Variants in MAOA observed in about 807,000 individuals in gnomAD.
MAOA encodes amine oxidase [flavin-containing] A.
A neutral mutation model predicts 42.0 loss-of-function variants in MAOA; 6 were observed. The ratio of observed to expected loss-of-function variants is 0.14; its 90% CI spans 0.08 to 0.28. The LOEUF (loss-of-function observed/expected upper bound fraction) is 0.28, where lower values mean the gene tolerates loss of function less well. MAOA is among the 10% of genes least tolerant of loss of function. The pLI is 1.00. For synonymous variants in MAOA, 140 were observed against 154.0 expected (o/e 0.91, Z 0.67); for missense variants, 262 against 422.3 (o/e 0.62, Z 3.33).
intron 1 of MAOA, among the ~76,000 whole-genome samples, chrX:43,666,543 C>G (rs1410351966): frequency 9.0e-6 from 1 of 111,541 alleles, no homozygotes; most frequent in Non-Finnish European, 1.9e-5. Context: ...TCCAAGCCAC[C>G]ATGATCTCTT....
intron 3 of MAOA, among the ~76,000 whole-genome samples, chrX:43,696,746 A>G (rs1406633210): frequency 7.2e-5 from 8 of 111,831 alleles, no homozygotes; most frequent in Non-Finnish European, 1.5e-4. Context: ...AAAAAAAAAA[A>G]AAAAAGAAAA....
At chrX:43,693,141 G>C in intron 2 of MAOA, 150 bp from the exon 3 acceptor site, 1 of 518,175 alleles carries the variant, frequency 1.9e-6, no homozygotes, top group Non-Finnish European at 3.3e-6. Context: ...TTGAGTGGAT[G>C]AGGAAAGATT....
chrX:43,721,438 T>C (rs1205929144), intron 5 of MAOA, among the ~76,000 whole-genome samples: 1 of 111,209 alleles, frequency 9.0e-6, no homozygotes, highest in Non-Finnish European at 1.9e-5. Flanking sequence ...TGAAGATCGT[T>C]GAAAGGTTTT....
At chrX:43,675,830 G>A (rs2033390020) in intron 1 of MAOA, among the ~76,000 whole-genome samples, 1 of 111,873 alleles carries the variant, frequency 8.9e-6, no homozygotes, top group Non-Finnish European at 1.9e-5. Flanking sequence ...ACCCGGCCTT[G>A]TGAGGTGTCA....
At chrX:43,661,694 G>A (rs189096549) in intron 1 of MAOA, among the ~76,000 whole-genome samples, 2 of 111,625 alleles carry the variant, frequency 1.8e-5, no homozygotes, top group East Asian at 2.8e-4. Context: ...AATGGTTAGC[G>A]AGCGCACAGT....
In MAOA at chrX:43,735,355, G is replaced by A. The variant is rs181362120; in HGVS notation, c.1053-872G>A. On this transcript the variant is annotated intron_variant, in intron 9 of 14. Transcript: ENST00000338702. ...GCTTTCTAATAATAGTATAACTAAG[G>A]ACTTCATGTCACAATTCAATTCTTT... Among the ~76,000 whole-genome samples the A allele has an allele frequency of 6.2e-5, 7 of 112,098 alleles. No individual in the cohort carries two copies. In the East Asian group the frequency reaches 2.0e-3, roughly 31 times the overall value.
At chrX:43,733,177 G>A (rs960855369) in intron 9 of MAOA, among the ~76,000 whole-genome samples, 1 of 112,296 alleles carries the variant, frequency 8.9e-6, no homozygotes, top group African/African-American at 3.2e-5. Flanking sequence ...CATTCTAAAT[G>A]TGGGGTTTCT....
chrX:43,681,631 T>C (rs965680353), intron 1 of MAOA, among the ~76,000 whole-genome samples: 8 of 111,107 alleles, frequency 7.2e-5, no homozygotes, highest in African/African-American at 2.6e-4. Context: ...CAACCACTTG[T>C]ATACATATTT....
intron 1 of MAOA, among the ~76,000 whole-genome samples, chrX:43,666,479 A>G (rs907941526): frequency 3.6e-5 from 4 of 110,813 alleles, no homozygotes; most frequent in African/African-American, 1.3e-4. Flanking sequence ...GGCTTCCCAC[A>G]ACAACTGCAA....
At chrX:43,685,129 T>C (rs2033477453) in intron 2 of MAOA, among the ~76,000 whole-genome samples, 1 of 110,810 alleles carries the variant, frequency 9.0e-6, no homozygotes, top group East Asian at 2.8e-4. Context: ...CCACTGGCCT[T>C]GAAGCCTCCC....
At chrX:43,690,764 T>G (rs2033526564) in intron 2 of MAOA, among the ~76,000 whole-genome samples, 1 of 111,657 alleles carries the variant, frequency 9.0e-6, no homozygotes, top group Non-Finnish European at 1.9e-5. Context: ...TCCTTTTCTT[T>G]GTGACAATAC....
rs1308409127 is a variant in MAOA, at chrX:43,745,598, G to A, written c.*1085G>A. On this transcript the variant is annotated 3_prime_UTR_variant, in exon 15 of 15. Transcript: ENST00000338702. ...TGTTATTTGTTGAGACTATCAAACA[G>A]AAAAGAAATTAGGGCTCTAATTTCC... 9.0e-6 allele frequency: 1 copy of A among 111,183 alleles called. No individual in the cohort carries two copies. The highest frequency in any genetic ancestry group is 9.6e-5 in the Admixed American group (1 of 10,437). The allele number at this position is 111,183 out of a possible 1,213,427, so 9.2% of individuals were successfully genotyped here.
At chrX:43,668,129 C>T (rs1319690510) in intron 1 of MAOA, among the ~76,000 whole-genome samples, 2 of 112,025 alleles carry the variant, frequency 1.8e-5, no homozygotes, top group African/African-American at 6.5e-5. Flanking sequence ...AAGACAGAAT[C>T]TGTTTTTCTG....
chrX:43,716,453 T>G (rs1312983560), intron 5 of MAOA, among the ~76,000 whole-genome samples: 2 of 111,301 alleles, frequency 1.8e-5, no homozygotes, highest in African/African-American at 6.5e-5. Flanking sequence ...GAGTGGATAA[T>G]GTAGGGGAAA....
chrX:43,690,233 T>G (rs2033521811), intron 2 of MAOA, among the ~76,000 whole-genome samples: 2 of 109,856 alleles, frequency 1.8e-5, no homozygotes, highest in Non-Finnish European at 3.8e-5. Context: ...ATTTTCCAAT[T>G]CTTTATCTTT....
chrX:43,744,349 C>G lies in MAOA; in HGVS notation c.1438-18C>G, dbSNP rs746713106. ...TCAGCATGAGTTTTTTGCTCATGAT[C>G]TGTGTTCCTTCATCTAGGACGTTCC... On this transcript the variant is annotated intron_variant, in intron 14 of 14. Transcript: ENST00000338702. 8.3e-7 allele frequency: 1 copy of G among 1,210,392 alleles called. No homozygotes were observed. The highest frequency in any genetic ancestry group is 1.8e-5 in the South Asian group (1 of 56,897).
intron 2 of MAOA, among the ~76,000 whole-genome samples, chrX:43,683,829 A>G (rs2033462887): frequency 9.0e-6 from 1 of 111,379 alleles, no homozygotes; most frequent in African/African-American, 3.3e-5. Context: ...AATTCAAAAA[A>G]CATGAGCAAA....
At chrX:43,682,731 A>G (rs1286126972) in intron 1 of MAOA, among the ~76,000 whole-genome samples, 1 of 111,625 alleles carries the variant, frequency 9.0e-6, no homozygotes, top group Non-Finnish European at 1.9e-5. Context: ...AAAAAGAATA[A>G]CTATAGTGGA....
chrX:43,731,639 G>A lies in MAOA; in HGVS notation c.796-55G>A. On this transcript the variant is annotated intron_variant, in intron 7 of 14. Transcript: ENST00000338702. Reference sequence around the variant, plus strand: ...GTGATAAAGATGATTTTTCACGCCTGCCACAAAGACTGCAGCTCACATTTG... The same window carrying A: ...GTGATAAAGATGATTTTTCACGCCTACCACAAAGACTGCAGCTCACATTTG... 5 of 1,117,901 alleles carry A rather than the reference G, an allele frequency of 4.5e-6. No individual in the cohort carries two copies. The South Asian group carries it at 5.5e-5, about 12-fold the overall frequency. The allele number at this position is 1,117,901 out of a possible 1,213,427, so 92.1% of individuals were successfully genotyped here.
Sources: gnomAD v4.1 joint callset for allele counts (sites outside exome capture counted in the v4.1 genomes callset) on GRCh38, gnomAD v4.1.1 for gene constraint, MANE v1.5 for transcripts, NCBI Gene and HGNC (gene_info 2026-07-23, HGNC 2026-07-21) for gene names.